The following ELP4 variants were observed in gnomAD, a reference collection of about 807,000 sequenced individuals.
The protein encoded by ELP4 is elongator complex protein 4.
In ELP4, 51 loss-of-function variants were observed where a neutral mutation model predicts 48.9. That is an observed-to-expected ratio of 1.04 (90% CI 0.83 to 1.32). ELP4 has a LOEUF of 1.32. ELP4 is among the 40% of genes most tolerant of loss of function. ELP4 has a pLI of 0.00. For synonymous variants in ELP4, 210 were observed against 189.2 expected (o/e 1.11, Z -0.90); for missense variants, 519 against 514.6 (o/e 1.01, Z -0.08).
intron 3 of ELP4, among the ~76,000 whole-genome samples, chr11:31,576,070 G>C (rs1475273016): frequency 6.6e-6 from 1 of 152,106 alleles, no homozygotes; most frequent in African/African-American, 2.4e-5. Flanking sequence ...GACACACATA[G>C]GCTCAAAATA....
At chr11:31,768,669 A>G (rs1036386880) in intron 9 of ELP4, among the ~76,000 whole-genome samples, 33 of 152,160 alleles carry the variant, frequency 2.2e-4, no homozygotes, top group Non-Finnish European at 2.9e-5. Flanking sequence ...GTAAATAAGA[A>G]CTTGTTCATG....
chr11:31,607,737 A>T (rs1957901629), intron 5 of ELP4, among the ~76,000 whole-genome samples: 1 of 152,192 alleles, frequency 6.6e-6, no homozygotes, highest in Non-Finnish European at 1.5e-5. Context: ...TGTTTCTCTG[A>T]ATTTCAAGAT....
intron 9 of ELP4, 43 bp from the exon 10 acceptor site, chr11:31,783,350 C>T (rs1565152968): frequency 4.4e-6 from 7 of 1,577,936 alleles, no homozygotes; most frequent in African/African-American, 4.1e-5. Flanking sequence ...AATTTTTTTT[C>T]TTCTTTCTTC....
chr11:31,554,806 C>T (rs1956903831), intron 3 of ELP4, among the ~76,000 whole-genome samples: 1 of 152,134 alleles, frequency 6.6e-6, no homozygotes. Flanking sequence ...GTTCTAGTGT[C>T]ATCATATCCA....
At chr11:31,691,135 G>T (rs1023670239) in intron 9 of ELP4, among the ~76,000 whole-genome samples, 1 of 151,852 alleles carries the variant, frequency 6.6e-6, no homozygotes, top group Non-Finnish European at 1.5e-5. Flanking sequence ...GACTAAAGAT[G>T]AATTTCTTAA....
intron 9 of ELP4, chr11:31,714,663 G>C: frequency 2.5e-6 from 1 of 398,558 alleles, no homozygotes; most frequent in Middle Eastern, 6.3e-4. Context: ...GCACAGCTAC[G>C]TTCCTCCTGG....
chr11:31,706,248 G>A (rs1452328525), intron 9 of ELP4, among the ~76,000 whole-genome samples: 3 of 151,684 alleles, frequency 2.0e-5, no homozygotes, highest in Non-Finnish European at 4.4e-5. Flanking sequence ...TTATTATTTC[G>A]TTGTGCTGGG....
intron 9 of ELP4, among the ~76,000 whole-genome samples, chr11:31,782,860 T>G (rs1036754490): frequency 1.3e-5 from 2 of 152,176 alleles, no homozygotes; most frequent in African/African-American, 4.8e-5. Flanking sequence ...AACATTTCTG[T>G]GAAAATTTTA....
At chr11:31,511,035 C>G (rs1404055934) in intron 1 of ELP4, 2 of 152,166 alleles carry the variant, frequency 1.3e-5, no homozygotes, top group Non-Finnish European at 2.9e-5. Context: ...TCAAAGTAGG[C>G]TTTTCATAGG....
At chr11:31,747,662 A>G (rs964052254) in intron 9 of ELP4, among the ~76,000 whole-genome samples, 2 of 152,226 alleles carry the variant, frequency 1.3e-5, no homozygotes, top group African/African-American at 4.8e-5. Context: ...CAACGTGGCT[A>G]CCACTCTGGA....
At chr11:31,770,232 A>G (rs549963350) in intron 9 of ELP4, among the ~76,000 whole-genome samples, 2 of 152,316 alleles carry the variant, frequency 1.3e-5, no homozygotes, top group African/African-American at 4.8e-5. Context: ...GAGACCAGCA[A>G]AAAGGTTGCC....
At chr11:31,675,013 A>T (rs1362919379) in intron 9 of ELP4, among the ~76,000 whole-genome samples, 1 of 152,094 alleles carries the variant, frequency 6.6e-6, no homozygotes, top group African/African-American at 2.4e-5. Flanking sequence ...AAGCTTTGGA[A>T]ATTATGGAAG....
chr11:31,623,158 A>G (rs190609920), intron 5 of ELP4, among the ~76,000 whole-genome samples: 5 of 150,596 alleles, frequency 3.3e-5, no homozygotes, highest in Non-Finnish European at 5.9e-5. Context: ...TGATAACGTA[A>G]TCTTTGTTGA....
At chr11:31,687,077 T>A (rs956816856) in intron 9 of ELP4, among the ~76,000 whole-genome samples, 33 of 152,286 alleles carry the variant, frequency 2.2e-4, no homozygotes, top group African/African-American at 7.9e-4. Context: ...AGGAGGAGTC[T>A]AAACTTGCTC....
intron 9 of ELP4, among the ~76,000 whole-genome samples, chr11:31,726,695 CACATTACCTTGTTTA>C (rs1947083113): frequency 6.6e-6 from 1 of 151,930 alleles, no homozygotes; most frequent in Non-Finnish European, 1.5e-5. Context: ...AAGAAAACAC[CACATTACCTTGTTTA>C]GCCCAGCATT....
intron 3 of ELP4, among the ~76,000 whole-genome samples, chr11:31,578,460 A>G (rs571560846): frequency 3.9e-5 from 6 of 152,226 alleles, no homozygotes; most frequent in African/African-American, 4.8e-5. Flanking sequence ...ATATGGAACC[A>G]AAAAAGAGCC....
At chr11:31,515,565 T>C (rs1000373223) in intron 1 of ELP4, among the ~76,000 whole-genome samples, 8 of 152,094 alleles carry the variant, frequency 5.3e-5, no homozygotes, top group African/African-American at 1.7e-4. Context: ...TTTCAGAGGC[T>C]GAGATGGGAG....
chr11:31,743,816 C>T (rs1013150093), intron 9 of ELP4, among the ~76,000 whole-genome samples: 2 of 151,674 alleles, frequency 1.3e-5, no homozygotes, highest in African/African-American at 4.9e-5. Flanking sequence ...AAATTGACAC[C>T]CTAACATCAC....
At chr11:31,713,820 G>T (rs542547251) in intron 9 of ELP4, among the ~76,000 whole-genome samples, 3 of 152,204 alleles carry the variant, frequency 2.0e-5, no homozygotes, top group South Asian at 4.1e-4. Context: ...AACCCCTGTG[G>T]ACCTATCAAC....
Sources: allele counts gnomAD v4.1 joint callset (sites outside exome capture counted in the v4.1 genomes callset), GRCh38; gene constraint gnomAD v4.1.1; transcripts MANE v1.5; gene names NCBI Gene and HGNC (gene_info 2026-07-23, HGNC 2026-07-21).